The following EPC1 variants were observed in gnomAD, a reference collection of about 807,000 sequenced individuals.
EPC1 encodes the protein enhancer of polycomb homolog 1.
EPC1 carries 12 observed loss-of-function variants against 98.4 expected under a neutral mutation model. The observed-to-expected ratio is 0.12, with a 90% CI of 0.08 to 0.20. The LOEUF (loss-of-function observed/expected upper bound fraction) is 0.20. EPC1 is among the 10% of genes least tolerant of loss of function. The probability of loss-of-function intolerance (pLI) is 1.00; values close to 1 mark genes in which losing one functional copy is unlikely to be tolerated. For missense variants in EPC1, 729 were observed against 990.5 expected, an observed-to-expected ratio of 0.74 and a Z score of 3.54; for synonymous variants, 357 against 363.9, an observed-to-expected ratio of 0.98 and a Z score of 0.21.
chr10:32,332,454 C>T (rs1386498750), intron 1 of EPC1, among the ~76,000 whole-genome samples: 5 of 152,138 alleles, frequency 3.3e-5, no homozygotes, highest in Non-Finnish European at 7.4e-5. Context: ...TGACCAACAG[C>T]ACATGGCAGA....
chr10:32,292,371 T>C, intron 5 of EPC1, 125 bp downstream of exon 5: 1 of 668,882 alleles, frequency 1.5e-6, no homozygotes, highest in East Asian at 3.3e-5. Flanking sequence ...ACCACATATT[T>C]AAAGTCTCTA....
At position 32,322,913 on chromosome 10, in the gene EPC1, G is replaced by C. The variant is rs549923472; in HGVS notation, c.154-16982C>G. 2.5e-3 allele frequency among the ~76,000 whole-genome samples: 388 copies of C among 152,158 alleles called. 6 individuals carry two copies. The highest frequency in any genetic ancestry group is 0.014 in the Middle Eastern group (4 of 294). On this transcript the variant is annotated intron_variant, in intron 1 of 13. Transcript: ENST00000319778. ...TAGATGGAATAAGATGTAGGGTTTG[G>C]CAGCACAATAAAGAGACCATTTTTT...
At chr10:32,279,958 C>T (rs935129730) in intron 10 of EPC1, among the ~76,000 whole-genome samples, 1 of 152,156 alleles carries the variant, frequency 6.6e-6, no homozygotes, top group African/African-American at 2.4e-5. Flanking sequence ...TGTTATCCTG[C>T]TGCATGGTAT....
intron 6 of EPC1, among the ~76,000 whole-genome samples, chr10:32,289,606 T>C (rs1592553103): frequency 6.6e-6 from 1 of 151,778 alleles, no homozygotes; most frequent in African/African-American, 2.4e-5. Context: ...ACTGGTATGG[T>C]AGATGCAAAG....
chr10:32,378,663 G>A (rs1282631136), exon 1 of EPC1: 1 of 484,426 alleles, frequency 2.1e-6, no homozygotes, highest in East Asian at 3.4e-5. Context: ...GTGGCCGAAT[G>A]GGGTGGCTTC....
chr10:32,365,446 A>G (rs1839571300), intron 1 of EPC1, among the ~76,000 whole-genome samples: 1 of 152,124 alleles, frequency 6.6e-6, no homozygotes, highest in Admixed American at 6.5e-5. Context: ...GAAAAATACC[A>G]ACAACAACAA....
At chr10:32,361,726 C>T (rs1310595010) in intron 1 of EPC1, among the ~76,000 whole-genome samples, 1 of 152,128 alleles carries the variant, frequency 6.6e-6, no homozygotes, top group African/African-American at 2.4e-5. Flanking sequence ...CAATTTACAG[C>T]CCCAAATGTC....
chr10:32,291,322 C>T lies in EPC1; in HGVS notation c.816G>A (p.Arg272=), dbSNP rs141390833. ...LHLTLEIMEK[R]YNLGDYNGEI... ...CTCCATTGTAGTCGCCCAAATTATA[C>T]CTAAAATTATACAAATGAAAGTTTA... The change falls in exon 6 of 14, where the codon AGG becomes AGA. Residue 272 remains arginine (R), a splice_region_variant and synonymous_variant. Coordinates refer to ENST00000319778, the MANE Select transcript of EPC1 (RefSeq NM_001272004.3). 41 of 1,600,746 alleles carry T rather than the reference C, an allele frequency of 2.6e-5. No homozygotes were observed. The African/African-American group carries it at 5.1e-4, about 20-fold the overall frequency.
intron 1 of EPC1, among the ~76,000 whole-genome samples, chr10:32,368,069 T>TA (rs1839649504): frequency 1.3e-5 from 2 of 152,224 alleles, no homozygotes; most frequent in African/African-American, 4.8e-5. Context: ...TACTTCTCTT[T>TA]ACTCCGCCAT....
At chr10:32,290,483 CAAAAAAA>C (rs57193296) in intron 6 of EPC1, among the ~76,000 whole-genome samples, 3 of 40,160 alleles carry the variant, frequency 7.5e-5, no homozygotes, top group Admixed American at 6.0e-4. Context: ...AAGACTCTGT[CAAAAAAA>C]AAAAAAAAAA....
At chr10:32,343,982 GA>G (rs1324245454) in intron 1 of EPC1, among the ~76,000 whole-genome samples, 1 of 152,110 alleles carries the variant, frequency 6.6e-6, no homozygotes, top group Non-Finnish European at 1.5e-5. Flanking sequence ...ACCAACATAG[GA>G]CTACATACTT....
chr10:32,272,768 G>A (rs1348420888), intron 11 of EPC1, among the ~76,000 whole-genome samples: 4 of 152,142 alleles, frequency 2.6e-5, no homozygotes, highest in Admixed American at 1.3e-4. Context: ...ACTGGCAAAC[G>A]TTTATCATGC....
intron 1 of EPC1, among the ~76,000 whole-genome samples, chr10:32,332,432 G>T (rs924801188): frequency 6.6e-6 from 1 of 152,152 alleles, no homozygotes; most frequent in Non-Finnish European, 1.5e-5. Context: ...AGTGAACAAG[G>T]GTTGGTCTGT....
intron 6 of EPC1, among the ~76,000 whole-genome samples, chr10:32,289,008 G>C (rs189791807): frequency 6.6e-6 from 1 of 152,168 alleles, no homozygotes; most frequent in East Asian, 1.9e-4. Flanking sequence ...AGAATCGCTT[G>C]AACCCAGGAG....
intron 2 of EPC1, among the ~76,000 whole-genome samples, chr10:32,300,944 G>A (rs938179533): frequency 3.3e-5 from 5 of 151,982 alleles, no homozygotes; most frequent in African/African-American, 1.2e-4. Context: ...AAGGCTTCCT[G>A]GGCCGTTTAG....
At chr10:32,372,632 C>A (rs1398568678) in intron 1 of EPC1, among the ~76,000 whole-genome samples, 3 of 152,290 alleles carry the variant, frequency 2.0e-5, no homozygotes, top group Middle Eastern at 3.4e-3. Context: ...ACTGATAAAT[C>A]AGAAGGCCGA....
At chr10:32,335,755 T>A (rs1205281109) in intron 1 of EPC1, among the ~76,000 whole-genome samples, 1 of 152,178 alleles carries the variant, frequency 6.6e-6, no homozygotes, top group Non-Finnish European at 1.5e-5. Flanking sequence ...TAGCATGACC[T>A]TCTCGCCCAC....
chr10:32,317,862 C>T (rs1311906342), intron 1 of EPC1, among the ~76,000 whole-genome samples: 5 of 152,132 alleles, frequency 3.3e-5, no homozygotes, highest in Non-Finnish European at 7.4e-5. Context: ...AAGACCTTTA[C>T]AGATAAAATA....
intron 3 of EPC1, 82 bp from the exon 4 acceptor site, chr10:32,293,276 T>G: frequency 9.4e-7 from 1 of 1,064,440 alleles, no homozygotes; most frequent in South Asian, 1.6e-5. Context: ...TAAAGGACAA[T>G]AATCAATATT....
Sources: allele counts gnomAD v4.1 joint callset (sites outside exome capture counted in the v4.1 genomes callset), GRCh38; gene constraint gnomAD v4.1.1; transcripts MANE v1.5; gene names NCBI Gene and HGNC (gene_info 2026-07-23, HGNC 2026-07-21).